KAZN: variants seen among roughly 807,000 people sequenced by gnomAD.
The protein encoded by KAZN is kazrin.
Under a neutral mutation model 87.4 loss-of-function variants are expected in KAZN, and 40 were observed. That is an observed-to-expected ratio of 0.46 (90% CI 0.36 to 0.60). The LOEUF (loss-of-function observed/expected upper bound fraction) is 0.60. Among genes scored for constraint, KAZN ranks in the 20% least tolerant of loss-of-function variants. The pLI is 0.00. For missense variants in KAZN, 898 were observed against 1,073.9 expected, an observed-to-expected ratio of 0.84 and a Z score of 2.29; for synonymous variants, 466 against 458.3, an observed-to-expected ratio of 1.02 and a Z score of -0.22.
intron 1 of KAZN, among the ~76,000 whole-genome samples, chr1:14,693,020 C>T (rs1032897200): frequency 2.6e-5 from 4 of 152,012 alleles, no homozygotes; most frequent in Admixed American, 6.6e-5. Flanking sequence ...TCTCAGGGGT[C>T]GTTTTTAAAG....
intron 1 of KAZN, among the ~76,000 whole-genome samples, chr1:13,968,866 C>G (rs1376360603): frequency 1.3e-5 from 2 of 152,152 alleles, no homozygotes; most frequent in Non-Finnish European, 2.9e-5. Context: ...AAATGCCATG[C>G]ACTTGCCGAT....
At chr1:14,147,088 T>G (rs1327989873) in intron 1 of KAZN, among the ~76,000 whole-genome samples, 1 of 152,212 alleles carries the variant, frequency 6.6e-6, no homozygotes, top group Non-Finnish European at 1.5e-5. Flanking sequence ...TTAATAACAC[T>G]TTCTTTTCTT....
At chr1:14,664,841 G>C (rs1219872992) in intron 1 of KAZN, among the ~76,000 whole-genome samples, 1 of 152,044 alleles carries the variant, frequency 6.6e-6, no homozygotes, top group Non-Finnish European at 1.5e-5. Flanking sequence ...ATTTTTAGTA[G>C]AGATGAGGTT....
intron 1 of KAZN, among the ~76,000 whole-genome samples, chr1:14,022,828 G>A (rs1053808319): frequency 1.3e-5 from 2 of 152,150 alleles, no homozygotes; most frequent in Non-Finnish European, 2.9e-5. Flanking sequence ...GCTAGGTGGG[G>A]TAGTTCAGTG....
At chr1:15,046,230 G>A (rs892242068) in intron 4 of KAZN, among the ~76,000 whole-genome samples, 9 of 150,922 alleles carry the variant, frequency 6.0e-5, no homozygotes, top group Admixed American at 4.0e-4. Context: ...CCCGGGAGGC[G>A]GAGGTTGCAG....
chr1:14,566,146 G>C (rs985978190), intron 2 of KAZN, among the ~76,000 whole-genome samples: 1 of 152,126 alleles, frequency 6.6e-6, no homozygotes, highest in Admixed American at 6.5e-5. Context: ...ATAATAATAA[G>C]ATTGAAAGTC....
chr1:15,058,302 C>T (rs778561250), intron 5 of KAZN, among the ~76,000 whole-genome samples: 1 of 152,218 alleles, frequency 6.6e-6, no homozygotes, highest in Non-Finnish European at 1.5e-5. Context: ...CAAGGTCACA[C>T]AGCCTGTAGG....
At chr1:14,552,404 T>A (rs1324736582) in intron 2 of KAZN, among the ~76,000 whole-genome samples, 1 of 152,104 alleles carries the variant, frequency 6.6e-6, no homozygotes, top group Non-Finnish European at 1.5e-5. Context: ...CAGGCCCAGA[T>A]CCCCACCCTC....
chr1:14,107,021 C>G (rs907218867), intron 1 of KAZN, among the ~76,000 whole-genome samples: 1 of 114,250 alleles, frequency 8.8e-6, no homozygotes, highest in Non-Finnish European at 1.8e-5. Flanking sequence ...TCCCCTCCCT[C>G]TCTCCCTCCC....
intron 2 of KAZN, among the ~76,000 whole-genome samples, chr1:14,251,152 T>G (rs535177625): frequency 2.0e-5 from 3 of 152,314 alleles, no homozygotes; most frequent in Admixed American, 6.5e-5. Context: ...ATTCCAGGGT[T>G]CTCAGAATTC....
chr1:14,551,556 C>A (rs1673521318), intron 2 of KAZN, among the ~76,000 whole-genome samples: 1 of 152,154 alleles, frequency 6.6e-6, no homozygotes, highest in Admixed American at 6.5e-5. Context: ...AACAAAGCAC[C>A]ACTATATCAA....
At chr1:14,221,664 C>T (rs1159863977) in intron 2 of KAZN, among the ~76,000 whole-genome samples, 1 of 152,100 alleles carries the variant, frequency 6.6e-6, no homozygotes, top group Non-Finnish European at 1.5e-5. Context: ...GCTATACCAA[C>T]AAGGCTATAA....
At position 14,727,111 on chromosome 1, in the gene KAZN, TTAAATATATATA is replaced by T. The variant is rs552266534; in HGVS notation, c.226+127891_226+127902del. Among the ~76,000 whole-genome samples the T allele has an allele frequency of 4.1e-3, 623 of 152,274 alleles. 2 individuals carry two copies. The highest frequency in any genetic ancestry group is 0.014 in the African/African-American group (581 of 41,530). ...TCCTATGATGTCTCTTTTGAGGTTT[TTAAATATATATA>T]TATGGAGAGAGAAAGAATATTGAAT... On this transcript the variant is annotated intron_variant, in intron 1 of 14. Coordinates refer to ENST00000376030, the MANE Select transcript of KAZN (RefSeq NM_201628.3).
At chr1:14,084,367 T>C (rs953071667) in intron 1 of KAZN, among the ~76,000 whole-genome samples, 2 of 152,064 alleles carry the variant, frequency 1.3e-5, no homozygotes, top group South Asian at 2.1e-4. Flanking sequence ...CAGTCAGATG[T>C]TGGATTTATG....
chr1:14,219,440 C>T (rs969354034), intron 2 of KAZN, among the ~76,000 whole-genome samples: 6 of 152,090 alleles, frequency 3.9e-5, no homozygotes, highest in Non-Finnish European at 8.8e-5. Context: ...TATTATTTTA[C>T]AACTAATAAG....
chr1:14,291,408 AGCC>A (rs1057006062), intron 2 of KAZN, among the ~76,000 whole-genome samples: 2 of 152,144 alleles, frequency 1.3e-5, no homozygotes, highest in Admixed American at 1.3e-4. Flanking sequence ...CCCCTCCCCC[AGCC>A]AGGTTGCCGC....
chr1:15,018,490 G>A (rs1458752627), intron 2 of KAZN, among the ~76,000 whole-genome samples: 3 of 150,884 alleles, frequency 2.0e-5, no homozygotes, highest in Non-Finnish European at 2.9e-5. Context: ...TTGCTGCCAC[G>A]CCTCTGTCTG....
chr1:13,937,049 TTG>T (rs1397735173), intron 1 of KAZN, among the ~76,000 whole-genome samples: 12 of 124,520 alleles, frequency 9.6e-5, no homozygotes, highest in Admixed American at 3.7e-4. Context: ...TTTTTTTCTT[TTG>T]TTTTTTTTTT....
chr1:15,060,325 C>G, intron 6 of KAZN, 23 bp downstream of exon 6: 1 of 1,613,432 alleles, frequency 6.2e-7, no homozygotes, highest in South Asian at 1.1e-5. Flanking sequence ...GCAGCGGGGC[C>G]TGGGCCCCTG....
Sources: allele counts gnomAD v4.1 joint callset (sites outside exome capture counted in the v4.1 genomes callset), GRCh38; gene constraint gnomAD v4.1.1; transcripts MANE v1.5; gene names NCBI Gene and HGNC (gene_info 2026-07-23, HGNC 2026-07-21).